DYM: variants seen among roughly 807,000 people sequenced by gnomAD.
DYM encodes dyggve-Melchior-Clausen syndrome protein.
In DYM, 78 loss-of-function variants were observed where a neutral mutation model predicts 93.1. That is an observed-to-expected ratio of 0.84 (90% CI 0.70 to 1.01). DYM has a LOEUF of 1.01. DYM is among the 50% of genes least tolerant of loss of function. The pLI, the probability that DYM is intolerant of heterozygous loss-of-function variation, is 0.00. For synonymous variants in DYM, 321 were observed against 319.7 expected, an observed-to-expected ratio of 1.00 and a Z score of -0.04; for missense variants, 789 against 845.0, an observed-to-expected ratio of 0.93 and a Z score of 0.82.
intron 14 of DYM, among the ~76,000 whole-genome samples, chr18:49,195,142 T>C (rs899106264): frequency 1.3e-5 from 2 of 152,230 alleles, no homozygotes; most frequent in African/African-American, 2.4e-5. Context: ...TTTTATTTAA[T>C]TAATGGTCAT....
chr18:49,410,948 A>C (rs2072174904), intron 2 of DYM, among the ~76,000 whole-genome samples: 1 of 152,234 alleles, frequency 6.6e-6, no homozygotes, highest in South Asian at 2.1e-4. Flanking sequence ...ATATGCAAAT[A>C]AATTTGCTGA....
intron 14 of DYM, among the ~76,000 whole-genome samples, chr18:49,172,665 A>C (rs2088902850): frequency 6.6e-6 from 1 of 152,116 alleles, no homozygotes. Flanking sequence ...ATCAGGTATA[A>C]GTTTTGTAAA....
At position 49,097,528 on chromosome 18, in the gene DYM, G is replaced by C; in HGVS notation, c.1912-13C>G. 1 of 1,610,098 alleles carries C rather than the reference G, an allele frequency of 6.2e-7. No homozygotes were observed. The highest frequency in any genetic ancestry group is 8.5e-7 in the Non-Finnish European group (1 of 1,176,808). ...AGAAGGAGATCACCTGTAATGTAAA[G>C]TGTTATTTTTTAAACAAGAAGAGGT... On this transcript the variant is annotated splice_polypyrimidine_tract_variant and intron_variant, in intron 16 of 17. Transcript: ENST00000675505.
chr18:49,047,838 G>T (rs1004658487), intron 17 of DYM, among the ~76,000 whole-genome samples: 1 of 151,988 alleles, frequency 6.6e-6, no homozygotes. Flanking sequence ...TAGCAAGAGG[G>T]GGGCAACAAG....
intron 8 of DYM, among the ~76,000 whole-genome samples, chr18:49,304,554 A>C (rs2061157657): frequency 6.6e-6 from 1 of 152,200 alleles, no homozygotes; most frequent in South Asian, 2.1e-4. Context: ...CCCTGAGGAC[A>C]GCTCTTTCTC....
intron 9 of DYM, 151 bp downstream of exon 9, chr18:49,286,283 A>G (rs1172641314): frequency 1.2e-6 from 1 of 856,602 alleles, no homozygotes; most frequent in Non-Finnish European, 1.9e-6. Context: ...TCCTGATAAT[A>G]TTGACAGGAA....
chr18:49,276,959 A>C (rs1483107136), intron 10 of DYM, among the ~76,000 whole-genome samples: 1 of 152,196 alleles, frequency 6.6e-6, no homozygotes, highest in Non-Finnish European at 1.5e-5. Context: ...AATACATTCC[A>C]AAGATAATAA....
rs59658815 is a variant in DYM at position 49,388,913 on chromosome 18, CAA to C, written c.193+2678_193+2679del. Among the ~76,000 whole-genome samples the C allele has an allele frequency of 1.9e-3, 247 of 128,984 alleles. 1 individual carries two copies. Among genetic ancestry groups the C allele is most frequent in the Middle Eastern group, 4.0e-3 (1 of 250 alleles). 84.6% of individuals were successfully genotyped at this position (128,984 alleles called of 152,430 possible). On this transcript the variant is annotated intron_variant, in intron 3 of 17. Transcript: ENST00000675505. ...AGAAAAAAAATAGCACATTTTCAGA[CAA>C]AAAAAAAAAAAAAGAAAAAAGAGAA...
intron 15 of DYM, among the ~76,000 whole-genome samples, chr18:49,137,707 A>T (rs796791740): frequency 5.9e-5 from 9 of 152,290 alleles, no homozygotes; most frequent in African/African-American, 1.9e-4. Context: ...TTAAAAGCAA[A>T]CCATACTTTC....
intron 15 of DYM, among the ~76,000 whole-genome samples, chr18:49,156,912 A>G (rs2086520952): frequency 6.6e-6 from 1 of 151,800 alleles, no homozygotes; most frequent in Admixed American, 6.6e-5. Context: ...TGCCTCACCT[A>G]AAGTCTTTGC....
chr18:49,047,468 CACTTGCTGACACGAGT>C (rs1222305884), intron 17 of DYM, among the ~76,000 whole-genome samples: 1 of 152,230 alleles, frequency 6.6e-6, no homozygotes, highest in Non-Finnish European at 1.5e-5. Context: ...CCACTTCCAG[CACTTGCTGACACGAGT>C]CAGAGTTCAA....
chr18:49,106,752 G>A (rs1462543350), intron 16 of DYM, among the ~76,000 whole-genome samples: 1 of 152,226 alleles, frequency 6.6e-6, no homozygotes, highest in Non-Finnish European at 1.5e-5. Context: ...CTTCTGGCTT[G>A]GAGAGTTTCT....
chr18:49,445,838 T>C (rs1245637424), intron 1 of DYM, among the ~76,000 whole-genome samples: 2 of 152,082 alleles, frequency 1.3e-5, no homozygotes, highest in African/African-American at 4.8e-5. Context: ...AATATATCCA[T>C]GGAAAACTAA....
intron 16 of DYM, among the ~76,000 whole-genome samples, chr18:49,110,616 C>A (rs1296758384): frequency 1.3e-5 from 2 of 151,990 alleles, no homozygotes; most frequent in African/African-American, 4.8e-5. Context: ...TTTTCTCTGG[C>A]TGAATTCAAG....
chr18:49,208,929 T>C (rs531151227), intron 14 of DYM: 15 of 152,372 alleles, frequency 9.8e-5, no homozygotes, highest in African/African-American at 3.6e-4. Context: ...TTTTCTCTGA[T>C]ATTCGAGATT....
chr18:49,249,215 A>C (rs1190765014), intron 13 of DYM, among the ~76,000 whole-genome samples: 1 of 152,172 alleles, frequency 6.6e-6, no homozygotes, highest in Non-Finnish European at 1.5e-5. Flanking sequence ...GACTGTCTAA[A>C]CCTCCAGACT....
intron 16 of DYM, among the ~76,000 whole-genome samples, chr18:49,100,743 T>C (rs997521347): frequency 1.3e-5 from 2 of 152,212 alleles, no homozygotes; most frequent in African/African-American, 2.4e-5. Context: ...TTAATTCTCA[T>C]GACAATCCCA....
chr18:49,060,748 G>GGAGA (rs528744840), intron 17 of DYM, among the ~76,000 whole-genome samples: 6 of 123,146 alleles, frequency 4.9e-5, no homozygotes, highest in South Asian at 3.3e-4. Flanking sequence ...GGAGAAGGAG[G>GGAGA]GAGAGAGAGA....
rs1033260102 is a variant in DYM at position 49,063,657 on chromosome 18, G to T, written c.2026-19453C>A. On this transcript the variant is annotated intron_variant, in intron 17 of 17. Transcript: ENST00000675505. ...TTTTTTTTTTTTTAGACAGAGTTTA[G>T]CTCTTGTCGCCCAGGATGGAGTGCA... Among the ~76,000 whole-genome samples, 3 of 120,856 alleles carry T rather than the reference G, an allele frequency of 2.5e-5. No homozygotes were observed. The Admixed American group carries it at 3.2e-4, about 13-fold the overall frequency. 79.3% of individuals were successfully genotyped at this position (120,856 alleles called of 152,430 possible). A position where few individuals can be genotyped will look rare whatever the true frequency, so the allele number is the denominator to read the frequency against.
Sources: gnomAD v4.1 joint callset for allele counts (sites outside exome capture counted in the v4.1 genomes callset) on GRCh38, gnomAD v4.1.1 for gene constraint, MANE v1.5 for transcripts, NCBI Gene and HGNC (gene_info 2026-07-23, HGNC 2026-07-21) for gene names.